Variants in TGFBR3 observed in about 807,000 individuals in gnomAD.
TGFBR3 encodes the protein transforming growth factor beta receptor type 3.
Under a neutral mutation model 87.9 loss-of-function variants are expected in TGFBR3, and 46 were observed. The observed-to-expected ratio is 0.52, with a 90% CI of 0.41 to 0.67. The LOEUF is 0.67. TGFBR3 is among the 30% of genes least tolerant of loss of function. The pLI, the probability that TGFBR3 is intolerant of heterozygous loss-of-function variation, is 0.00. For synonymous variants in TGFBR3, 381 were observed against 391.6 expected, an observed-to-expected ratio of 0.97 and a Z score of 0.32; for missense variants, 866 against 1,041.9, an observed-to-expected ratio of 0.83 and a Z score of 2.32.
intron 1 of TGFBR3, among the ~76,000 whole-genome samples, chr1:91,872,832 G>T (rs1678633107): frequency 6.6e-6 from 1 of 152,182 alleles, no homozygotes; most frequent in Non-Finnish European, 1.5e-5. Context: ...TTGTAAGGAT[G>T]GGGGGACCCA....
rs190877243 is a variant in TGFBR3 at position 91,841,579 on chromosome 1, G to A, written c.61+19892C>T. Reference sequence around the variant, plus strand: ...GGAGGCCAAGGCGGGCAGATCACGAGGTCAGGAGTTCAAGACCAGCCTGAC... The same window carrying A: ...GGAGGCCAAGGCGGGCAGATCACGAAGTCAGGAGTTCAAGACCAGCCTGAC... On this transcript the variant is annotated intron_variant, in intron 2 of 16. Coordinates refer to ENST00000212355, the MANE Select transcript of TGFBR3 (RefSeq NM_003243.5). 2.8e-3 allele frequency among the ~76,000 whole-genome samples: 429 copies of A among 152,042 alleles called. 4 individuals carry two copies. Among genetic ancestry groups the A allele is most frequent in the Middle Eastern group, 3.4e-3 (1 of 294 alleles).
chr1:91,702,247 C>T (rs1272484848), intron 14 of TGFBR3, among the ~76,000 whole-genome samples: 1 of 152,176 alleles, frequency 6.6e-6, no homozygotes, highest in Non-Finnish European at 1.5e-5. Context: ...CACTATACAC[C>T]TACCATATTT....
chr1:91,763,016 T>C (rs78234327), intron 3 of TGFBR3, among the ~76,000 whole-genome samples: 2,271 of 152,296 alleles, frequency 0.015, 57 homozygotes, highest in African/African-American at 0.052. Context: ...GACCTTGTTA[T>C]AGTGAAGGCT....
chr1:91,819,040 A>C (rs1185817508), intron 2 of TGFBR3, among the ~76,000 whole-genome samples: 4 of 152,162 alleles, frequency 2.6e-5, no homozygotes, highest in Non-Finnish European at 5.9e-5. Context: ...GGGACCTAAA[A>C]CACAGGGTCC....
At chr1:91,812,604 C>T (rs758665024) in intron 2 of TGFBR3, among the ~76,000 whole-genome samples, 6 of 151,998 alleles carry the variant, frequency 3.9e-5, no homozygotes, top group Non-Finnish European at 8.8e-5. Context: ...TATTTCTGTG[C>T]TTTATAGTTT....
intron 2 of TGFBR3, among the ~76,000 whole-genome samples, chr1:91,893,894 A>G (rs537057132): frequency 6.6e-6 from 1 of 150,750 alleles, no homozygotes; most frequent in South Asian, 2.1e-4. Context: ...TTTGAGAAAA[A>G]TAATATAAAA....
chr1:91,871,268 T>C (rs941118312), intron 1 of TGFBR3, among the ~76,000 whole-genome samples: 4 of 152,110 alleles, frequency 2.6e-5, no homozygotes, highest in Admixed American at 6.6e-5. Context: ...TTTCTGGTGG[T>C]GGGTAGTCTG....
At chr1:91,857,149 C>T (rs1225633095) in intron 2 of TGFBR3, among the ~76,000 whole-genome samples, 1 of 152,178 alleles carries the variant, frequency 6.6e-6, no homozygotes, top group African/African-American at 2.4e-5. Flanking sequence ...TACTCAGCCT[C>T]ACTGTTTGAG....
intron 7 of TGFBR3, among the ~76,000 whole-genome samples, chr1:91,726,598 C>T (rs1357992081): frequency 6.6e-6 from 1 of 151,320 alleles, no homozygotes; most frequent in African/African-American, 2.4e-5. Flanking sequence ...AGTGGTTTTG[C>T]CTGCTGCCTC....
chr1:91,873,282 C>CTTTTTTTTTT (rs34364302), intron 1 of TGFBR3, among the ~76,000 whole-genome samples: 1 of 100,948 alleles, frequency 9.9e-6, no homozygotes, highest in East Asian at 2.9e-4. Context: ...ATTTTCCCTT[C>CTTTTTTTTTT]TTTTTTTTTT....
At chr1:91,736,598 T>G (rs1672975928) in intron 4 of TGFBR3, among the ~76,000 whole-genome samples, 1 of 152,106 alleles carries the variant, frequency 6.6e-6, no homozygotes, top group African/African-American at 2.4e-5. Context: ...GTCATTTTCC[T>G]GCCAAAAAAT....
intron 4 of TGFBR3, among the ~76,000 whole-genome samples, chr1:91,751,969 TTA>T (rs1320503063): frequency 6.6e-6 from 1 of 152,134 alleles, no homozygotes; most frequent in Non-Finnish European, 1.5e-5. Flanking sequence ...GGGAGGAACT[TTA>T]GAGATGAGCT....
chr1:91,848,198 T>C (rs1023689811), intron 2 of TGFBR3, among the ~76,000 whole-genome samples: 3 of 152,222 alleles, frequency 2.0e-5, no homozygotes, highest in Admixed American at 1.3e-4. Flanking sequence ...AGAAATTGTC[T>C]AGGTGTTTGC....
At chr1:91,891,167 G>T (rs1489331389) in intron 2 of TGFBR3, among the ~76,000 whole-genome samples, 2 of 151,586 alleles carry the variant, frequency 1.3e-5, no homozygotes, top group Non-Finnish European at 2.9e-5. Context: ...GGGATTACAG[G>T]TGTGAGTCAC....
In TGFBR3 at chr1:91,695,654, C is replaced by T. The variant is rs1671409513; in HGVS notation, c.2437+18G>A. 3 of 1,598,360 alleles carry T rather than the reference C, an allele frequency of 1.9e-6. No homozygotes were observed. The African/African-American group carries it at 4.0e-5, about 21-fold the overall frequency. On this transcript the variant is annotated intron_variant, in intron 16 of 16. Coordinates refer to ENST00000212355, the MANE Select transcript of TGFBR3 (RefSeq NM_003243.5). ...AACACAAGCTGTTCACCAACTCTTA[C>T]TCAACAGTCACACTAACCTGTGTGA...
upstream of TGFBR3, among the ~76,000 whole-genome samples, chr1:91,886,710 G>T (rs1272062494): frequency 6.6e-6 from 1 of 152,038 alleles, no homozygotes; most frequent in Non-Finnish European, 1.5e-5. Flanking sequence ...CTCCGGTCCC[G>T]CTTGTTGTCA....
intron 1 of TGFBR3, among the ~76,000 whole-genome samples, chr1:91,905,552 C>A (rs531337784): frequency 3.3e-4 from 50 of 152,278 alleles, no homozygotes; most frequent in African/African-American, 1.1e-3. Context: ...CGTGCCTCAG[C>A]CTCCCAAGTG....
chr1:91,762,146 G>A (rs1673987983), intron 3 of TGFBR3, among the ~76,000 whole-genome samples: 1 of 152,158 alleles, frequency 6.6e-6, no homozygotes, highest in South Asian at 2.1e-4. Flanking sequence ...CAGCTCAAAG[G>A]AGCAGCAATG....
chr1:91,833,569 AC>A lies in TGFBR3; in HGVS notation c.61+27901del, dbSNP rs541660689. ...GATCATTTGAGATCAGGGGTTCAAG[AC>A]CAGCCTGGCCAATATGGTGAAACCC... On this transcript the variant is annotated intron_variant, in intron 2 of 16. Transcript: ENST00000212355. Among the ~76,000 whole-genome samples the A allele has an allele frequency of 9.2e-5, 14 of 151,758 alleles. 1 individual carries two copies. In the South Asian group the frequency reaches 2.7e-3, roughly 29 times the overall value.
Sources: allele counts gnomAD v4.1 joint callset (sites outside exome capture counted in the v4.1 genomes callset), GRCh38; gene constraint gnomAD v4.1.1; transcripts MANE v1.5; gene names NCBI Gene and HGNC (gene_info 2026-07-23, HGNC 2026-07-21).